ECT2L: variants seen among roughly 807,000 people sequenced by gnomAD.
The protein encoded by ECT2L is epithelial cell transforming 2 like.
ECT2L carries 126 observed loss-of-function variants against 122.8 expected under a neutral mutation model. That is an observed-to-expected ratio of 1.03 (90% CI 0.89 to 1.19). ECT2L has a LOEUF of 1.19. Ranked by LOEUF, ECT2L falls within the 50% of genes most tolerant of loss-of-function variation. ECT2L has a pLI of 0.00. For synonymous variants in ECT2L, 385 were observed against 381.8 expected, an observed-to-expected ratio of 1.01 and a Z score of -0.10; for missense variants, 1,012 against 1,064.1, an observed-to-expected ratio of 0.95 and a Z score of 0.68.
chr6:138,842,319 G>C (rs1237069983), intron 5 of ECT2L, among the ~76,000 whole-genome samples: 1 of 152,112 alleles, frequency 6.6e-6, no homozygotes, highest in East Asian at 1.9e-4. Flanking sequence ...AAACTAGGTG[G>C]GCATGGTGGC....
At position 138,838,168 on chromosome 6, in the gene ECT2L, C is replaced by T. The variant is rs192595346; in HGVS notation, c.180-184C>T. Among the ~76,000 whole-genome samples the T allele has an allele frequency of 3.2e-3, 482 of 152,204 alleles. 1 individual carries two copies. Among genetic ancestry groups the T allele is most frequent in the Non-Finnish European group, 5.3e-3 (361 of 68,010 alleles). Reference sequence around the variant, plus strand: ...CCACCCACCTTGGCCTCCCAAAGTGCCAGGATTACAAGCATGAGCCACGGC... The same window carrying T: ...CCACCCACCTTGGCCTCCCAAAGTGTCAGGATTACAAGCATGAGCCACGGC... On this transcript the variant is annotated intron_variant, in intron 4 of 21. Transcript: ENST00000541398.
At chr6:138,848,979 A>G (rs1439141698) in intron 8 of ECT2L, among the ~76,000 whole-genome samples, 2 of 152,174 alleles carry the variant, frequency 1.3e-5, no homozygotes, top group Non-Finnish European at 2.9e-5. Context: ...AAAGTTATTT[A>G]TATGTCTTTG....
At chr6:138,805,072 C>CGTG (rs1775671193) in intron 1 of ECT2L, among the ~76,000 whole-genome samples, 1 of 152,132 alleles carries the variant, frequency 6.6e-6, no homozygotes, top group African/African-American at 2.4e-5. Context: ...TAAATGAACC[C>CGTG]GTGCCACATG....
chr6:138,863,873 C>T (rs1483656058), intron 11 of ECT2L, among the ~76,000 whole-genome samples: 3 of 151,146 alleles, frequency 2.0e-5, no homozygotes, highest in East Asian at 3.9e-4. Context: ...CTCAGCCTCC[C>T]AGTGTTGGGA....
At chr6:138,800,357 G>A (rs1201061701) in intron 1 of ECT2L, among the ~76,000 whole-genome samples, 1 of 152,174 alleles carries the variant, frequency 6.6e-6, no homozygotes, top group Non-Finnish European at 1.5e-5. Context: ...AAGACACACA[G>A]AAAGGATGGA....
intron 20 of ECT2L, among the ~76,000 whole-genome samples, chr6:138,895,382 G>A (rs1038022509): frequency 3.9e-5 from 6 of 152,046 alleles, no homozygotes; most frequent in African/African-American, 9.7e-5. Context: ...CAGGAACCAC[G>A]TTATGGGTGG....
chr6:138,838,671 C>T (rs549176059), intron 5 of ECT2L, among the ~76,000 whole-genome samples, 157 bp downstream of exon 5: 4 of 152,272 alleles, frequency 2.6e-5, no homozygotes, highest in East Asian at 1.9e-4. Context: ...AAGTGAAATA[C>T]AATAATGTAT....
At chr6:138,813,945 C>T (rs1281099002) in intron 3 of ECT2L, among the ~76,000 whole-genome samples, 5 of 152,154 alleles carry the variant, frequency 3.3e-5, no homozygotes, top group South Asian at 2.1e-4. Context: ...TGGACCGAAA[C>T]GCAGGTTTGG....
At chr6:138,841,417 A>G (rs145660227) in intron 5 of ECT2L, among the ~76,000 whole-genome samples, 106 of 152,330 alleles carry the variant, frequency 7.0e-4, no homozygotes, top group African/African-American at 2.5e-3. Context: ...CAAATCCTAC[A>G]AATCCAGTCA....
At chr6:138,860,708 T>TC (rs377115402) in intron 10 of ECT2L, among the ~76,000 whole-genome samples, 13 of 31,228 alleles carry the variant, frequency 4.2e-4, no homozygotes, top group African/African-American at 1.1e-3. Context: ...GAAGGGGCTA[T>TC]TTTTTTTTTT....
At chr6:138,891,636 G>A (rs1019521277) in intron 20 of ECT2L, among the ~76,000 whole-genome samples, 8 of 152,234 alleles carry the variant, frequency 5.3e-5, no homozygotes, top group African/African-American at 1.7e-4. Context: ...CCATCTTTCT[G>A]GATCAAATGA....
intron 10 of ECT2L, 60 bp from the exon 11 acceptor site, chr6:138,862,567 A>T: frequency 1.3e-6 from 2 of 1,494,438 alleles, no homozygotes; most frequent in East Asian, 2.3e-5. Flanking sequence ...TATCCAAGTT[A>T]TATGATCTTC....
intron 20 of ECT2L, among the ~76,000 whole-genome samples, chr6:138,899,519 T>C (rs1040299615): frequency 1.3e-5 from 2 of 152,104 alleles, no homozygotes; most frequent in Admixed American, 1.3e-4. Context: ...TTGGGTGACC[T>C]GAGTGAAGAC....
chr6:138,812,568 C>T (rs929188964), intron 1 of ECT2L, among the ~76,000 whole-genome samples: 3 of 152,138 alleles, frequency 2.0e-5, no homozygotes, highest in South Asian at 2.1e-4. Flanking sequence ...CTTTGAGAGG[C>T]TGAGGCGGGC....
At chr6:138,797,654 A>AC (rs374871160) in intron 1 of ECT2L, among the ~76,000 whole-genome samples, 1 of 151,958 alleles carries the variant, frequency 6.6e-6, no homozygotes, top group Admixed American at 6.6e-5. Flanking sequence ...GAAAAAAAAA[A>AC]CAAAAAACTT....
At chr6:138,845,768 G>C (rs971022698) in intron 7 of ECT2L, among the ~76,000 whole-genome samples, 1 of 152,144 alleles carries the variant, frequency 6.6e-6, no homozygotes, top group African/African-American at 2.4e-5. Flanking sequence ...ACTTGTTCAA[G>C]GCACATAAAG....
intron 20 of ECT2L, among the ~76,000 whole-genome samples, chr6:138,898,051 T>C (rs1381706224): frequency 8.3e-6 from 1 of 120,178 alleles, no homozygotes. Context: ...GTTCTTATCA[T>C]GGATATGGTA....
At chr6:138,842,836 C>A in intron 5 of ECT2L, 143 bp from the exon 6 acceptor site, 2 of 667,192 alleles carry the variant, frequency 3.0e-6, no homozygotes, top group Non-Finnish European at 4.5e-6. Flanking sequence ...ATTGTAGAAA[C>A]AAATGGATTT....
chr6:138,887,220 TTTTC>T lies in ECT2L; in HGVS notation c.2325+302_2325+305del, dbSNP rs769968501. Among the ~76,000 whole-genome samples the T allele has an allele frequency of 7.3e-4, 77 of 105,942 alleles. 1 individual carries two copies. The highest frequency in any genetic ancestry group is 1.8e-3 in the Admixed American group (17 of 9,648). 69.5% of individuals were successfully genotyped at this position (105,942 alleles called of 152,430 possible). On this transcript the variant is annotated intron_variant, in intron 19 of 21. Transcript: ENST00000541398. The stretch of plus-strand genomic sequence containing the variant: ...GGGGCCATGTGTTCTACTTGTTTTC[TTTTC>T]TTTAATTTTTTTTTTTTTTTGAGAC...
Sources: gnomAD v4.1 joint callset for allele counts (sites outside exome capture counted in the v4.1 genomes callset) on GRCh38, gnomAD v4.1.1 for gene constraint, MANE v1.5 for transcripts, NCBI Gene and HGNC (gene_info 2026-07-23, HGNC 2026-07-21) for gene names.